The following C11orf16 variants were observed in gnomAD, a reference collection of about 807,000 sequenced individuals.
The protein encoded by C11orf16 is uncharacterized protein C11orf16.
In C11orf16, 38 loss-of-function variants were observed where a neutral mutation model predicts 45.1. The ratio of observed to expected loss-of-function variants is 0.84; its 90% CI spans 0.65 to 1.10. C11orf16 has a LOEUF of 1.10. Ranked by LOEUF, C11orf16 falls within the 50% of genes least tolerant of loss-of-function variation. C11orf16 has a pLI of 0.00. For synonymous variants in C11orf16, 221 were observed against 222.0 expected, an observed-to-expected ratio of 1.00 and a Z score of 0.04; for missense variants, 583 against 569.5, an observed-to-expected ratio of 1.02 and a Z score of -0.24.
Position 8,927,129 on chromosome 11 carries a change from C to T in C11orf16, c.370G>A (p.Val124Ile), listed in dbSNP as rs762576412. 6.2e-7 allele frequency: 1 copy of T among 1,614,104 alleles called. No individual in the cohort carries two copies. The highest frequency in any genetic ancestry group is 1.1e-5 in the South Asian group (1 of 91,082). ...TGGGCTGGCAGCTTTGGGCCTGCGA[C>T]AAGAGGAGCCTCGAATTCCACAAGC... is the stretch of plus-strand genomic sequence containing the variant. The part of the protein sequence containing the change: ...VLLVEFEAPL[V>I]AGPKLPAQQQ... The change falls in exon 4 of 7, where the codon GTC (valine) becomes ATC (isoleucine). Residue 124 changes from valine (V) to isoleucine (I), a missense_variant. Val to Ile is a conservative substitution (Grantham distance 29). Coordinates refer to ENST00000326053, the MANE Select transcript of C11orf16 (RefSeq NM_020643.3).
intron 6 of C11orf16, 102 bp downstream of exon 6, chr11:8,921,192 G>A (rs2064570078): frequency 9.4e-6 from 8 of 854,848 alleles, no homozygotes; most frequent in Non-Finnish European, 1.5e-5. Flanking sequence ...TCTAGGACAA[G>A]GGGTCATAGG....
At chr11:8,926,458 A>G (rs555963753) in intron 4 of C11orf16, among the ~76,000 whole-genome samples, 10 of 152,002 alleles carry the variant, frequency 6.6e-5, no homozygotes, top group African/African-American at 1.9e-4. Context: ...CCTGCACCAT[A>G]GTTACCTCCA....
At chr11:8,920,486 C>T in intron 6 of C11orf16, 36 bp from the exon 7 acceptor site, 1 of 646,100 alleles carries the variant, frequency 1.5e-6, no homozygotes, top group African/African-American at 1.8e-5. Context: ...CATTGTTATG[C>T]TGACTGCAAT....
At chr11:8,930,692 C>T (rs1323559753) in intron 2 of C11orf16, among the ~76,000 whole-genome samples, 3 of 152,034 alleles carry the variant, frequency 2.0e-5, no homozygotes, top group Non-Finnish European at 1.5e-5. Context: ...GTTGTTGAGT[C>T]AGGGTTTGGG....
At chr11:8,928,520 T>C (rs1010199479) in intron 3 of C11orf16, among the ~76,000 whole-genome samples, 1 of 152,198 alleles carries the variant, frequency 6.6e-6, no homozygotes, top group Non-Finnish European at 1.5e-5. Context: ...TTCTCTGTTA[T>C]GCATTGAATT....
chr11:8,932,119 C>A, intron 2 of C11orf16, 23 bp downstream of exon 2: 2 of 1,548,832 alleles, frequency 1.3e-6, no homozygotes, highest in East Asian at 2.3e-5. Context: ...ATCCACTTCC[C>A]CCAGAGGGGC....
chr11:8,927,228 G>T, intron 3 of C11orf16, 54 bp from the exon 4 acceptor site: 1 of 1,430,804 alleles, frequency 7.0e-7, no homozygotes, highest in South Asian at 1.2e-5. Flanking sequence ...GTACAATAGG[G>T]AGCACCCAGG....
intron 4 of C11orf16, 118 bp downstream of exon 4, chr11:8,926,822 T>A (rs1284779117): frequency 5.6e-6 from 4 of 720,640 alleles, no homozygotes; most frequent in Admixed American, 2.9e-5. Context: ...GGGGGAAAAA[T>A]TCTCTTCTTA....
rs2134833520 is a variant in C11orf16 at position 8,925,484 on chromosome 11, C to T, written c.1183G>A (p.Glu395Lys). 1.2e-6 allele frequency: 2 copies of T among 1,613,980 alleles called. No individual in the cohort carries two copies. The highest frequency in any genetic ancestry group is 1.7e-6 in the Non-Finnish European group (2 of 1,179,948). The change falls in exon 5 of 7, where the codon GAG (glutamate) becomes AAG (lysine). Residue 395 changes from glutamate (E) to lysine (K), a missense_variant. Glu to Lys is a moderately conservative substitution (Grantham distance 56). Transcript: ENST00000326053. ...ATACCTGGCTTCCCAAGGCATGGCT[C>T]AGGCCCGTTTCTCTTCCAATACCTC... ...EWRYWKRNGP[E>K]PCLGKPGTRY...
intron 4 of C11orf16, among the ~76,000 whole-genome samples, chr11:8,926,644 CTGG>C (rs2064615932): frequency 6.6e-6 from 1 of 152,130 alleles, no homozygotes; most frequent in East Asian, 1.9e-4. Context: ...CCTGGAGGAC[CTGG>C]TGAGGGCTGG....
At chr11:8,931,756 C>T (rs2064651474) in intron 2 of C11orf16, among the ~76,000 whole-genome samples, 1 of 152,172 alleles carries the variant, frequency 6.6e-6, no homozygotes, top group South Asian at 2.1e-4. Context: ...GAACTCCTGA[C>T]CTCAAGTGAT....
Position 8,926,996 on chromosome 11 carries a change from T to C in C11orf16, c.503A>G (p.Gln168Arg), listed in dbSNP as rs773449054. Residue 168 changes from glutamine to arginine, a missense_variant, in exon 4 of 7, where the codon CAG becomes CGG. Transcript: ENST00000326053. ...KVLALWEPGQ[Q>R]QYGPGTVLLG... ...AAGAACAGTGCCAGGGCCATACTGC[T>C]GTTGGCCTGGCTCCCAGAGTGCCAG... 2 of 1,614,104 alleles carry C rather than the reference T, an allele frequency of 1.2e-6. No homozygotes were observed. The highest frequency in any genetic ancestry group is 4.5e-5 in the East Asian group (2 of 44,868).
rs34856936 is a variant in C11orf16 at position 8,932,174 on chromosome 11, T to C, written c.135A>G (p.Ala45=). 48,658 of 1,586,680 alleles carry C rather than the reference T, an allele frequency of 0.031. 867 individuals are homozygous for C. Among genetic ancestry groups the C allele is most frequent in the Non-Finnish European group, 0.036 (41,960 of 1,167,134 alleles). ...LSFTYPFALQ[A]PWLTGHKPLA... ...GGGGCTTGTGCCCGGTGAGCCAGGG[T>C]GCTTGGAGGGCAAAGGGGTAGGTGA... The change falls in exon 2 of 7, where the codon GCA becomes GCG. Residue 45 remains alanine (A), a synonymous_variant. Transcript: ENST00000326053.
intron 3 of C11orf16, chr11:8,927,484 T>C: frequency 2.3e-6 from 1 of 432,570 alleles, no homozygotes; most frequent in Admixed American, 3.2e-5. Context: ...ATTTTTGACC[T>C]GCAATTGCCA....
intron 1 of C11orf16, 54 bp from the exon 2 acceptor site, chr11:8,932,380 A>G: frequency 2.1e-6 from 3 of 1,449,748 alleles, no homozygotes; most frequent in East Asian, 2.4e-5. Context: ...AGCAGTGGCC[A>G]CCGGGGCGAG....
Position 8,920,197 on chromosome 11 carries a change from C to T in C11orf16, c.*276G>A. 2.6e-6 allele frequency: 1 copy of T among 382,000 alleles called. No individual in the cohort carries two copies. Among genetic ancestry groups the T allele is most frequent in the Non-Finnish European group, 4.6e-6 (1 of 215,906 alleles). The allele number at this position is 382,000 out of a possible 1,614,324, so 23.7% of individuals were successfully genotyped here. ...GCCCAAAGCAGGCTGACCCCCTCTT[C>T]CACGGAAGAGGCATCTTAAAGCAGT... On this transcript the variant is annotated 3_prime_UTR_variant, in exon 7 of 7. Transcript: ENST00000326053.
intron 1 of C11orf16, 144 bp from the exon 2 acceptor site, chr11:8,932,470 A>C: frequency 5.1e-6 from 3 of 586,434 alleles, no homozygotes; most frequent in Non-Finnish European, 8.2e-6. Context: ...ACAAACTCTC[A>C]CAGTTTCCTC....
chr11:8,922,926 C>G (rs909717934), intron 5 of C11orf16, among the ~76,000 whole-genome samples: 3 of 152,190 alleles, frequency 2.0e-5, no homozygotes, highest in African/African-American at 4.8e-5. Flanking sequence ...CTCCACACCC[C>G]CTCTCGGGCA....
In C11orf16 at chr11:8,929,585, C is replaced by T. The variant is rs371435915; in HGVS notation, c.168-52G>A. The T allele has an allele frequency of 1.1e-5, 16 of 1,496,426 alleles. No homozygotes were observed. The African/African-American group carries it at 1.7e-4, about 16-fold the overall frequency. 92.7% of individuals were successfully genotyped at this position (1,496,426 alleles called of 1,614,324 possible). ...GATAGAGAGCAACAAGCCCTAAACA[C>T]ATCAAGAAACACGTTTCGCAGGTAC... On this transcript the variant is annotated intron_variant, in intron 2 of 6. Transcript: ENST00000326053.
Sources: allele counts gnomAD v4.1 joint callset (sites outside exome capture counted in the v4.1 genomes callset), GRCh38; gene constraint gnomAD v4.1.1; transcripts MANE v1.5; gene names NCBI Gene and HGNC (gene_info 2026-07-23, HGNC 2026-07-21).